TMCC1: variants seen among roughly 807,000 people sequenced by gnomAD.
TMCC1 encodes the protein transmembrane and coiled-coil domain family 1.
TMCC1 carries 15 observed loss-of-function variants against 52.4 expected under a neutral mutation model. That is an observed-to-expected ratio of 0.29 (90% confidence interval 0.19 to 0.44). TMCC1 has a LOEUF of 0.44. TMCC1 is among the 20% of genes least tolerant of loss of function. The pLI is 1.00. For synonymous variants in TMCC1, 279 were observed against 301.9 expected (o/e 0.92, Z 0.79); for missense variants, 503 against 806.0 (o/e 0.62, Z 4.55).
At chr3:129,788,503 C>T (rs2056204252) in intron 4 of TMCC1, among the ~76,000 whole-genome samples, 1 of 151,744 alleles carries the variant, frequency 6.6e-6, no homozygotes, top group Non-Finnish European at 1.5e-5. Flanking sequence ...TGCTCTGTCG[C>T]CCAGAGTGGA....
chr3:129,885,797 C>T (rs943498510), intron 1 of TMCC1, among the ~76,000 whole-genome samples: 1 of 151,668 alleles, frequency 6.6e-6, no homozygotes, highest in African/African-American at 2.4e-5. Flanking sequence ...GGTTGGAGTG[C>T]AGTGGCGCAA....
intron 4 of TMCC1, among the ~76,000 whole-genome samples, chr3:129,698,221 A>C (rs2047553210): frequency 6.6e-6 from 1 of 152,164 alleles, no homozygotes; most frequent in South Asian, 2.1e-4. Context: ...CCTCACAATC[A>C]TGGTGGAAGG....
At chr3:129,681,673 C>T (rs757557837) in intron 4 of TMCC1, among the ~76,000 whole-genome samples, 26 of 151,912 alleles carry the variant, frequency 1.7e-4, no homozygotes, top group Admixed American at 3.3e-4. Context: ...TTTGGGAGGC[C>T]GAGACAAGCG....
chr3:129,692,517 T>C (rs1480345015), intron 4 of TMCC1, among the ~76,000 whole-genome samples: 1 of 152,258 alleles, frequency 6.6e-6, no homozygotes, highest in Non-Finnish European at 1.5e-5. Flanking sequence ...TTGAGTAATG[T>C]TAACAAATGG....
intron 2 of TMCC1, among the ~76,000 whole-genome samples, chr3:129,849,490 C>T (rs1177642746): frequency 6.7e-6 from 1 of 149,680 alleles, no homozygotes; most frequent in Non-Finnish European, 1.5e-5. Context: ...CTCGGCCAGG[C>T]ACGGTGGCTC....
chr3:129,673,913 T>C (rs1190084874), intron 4 of TMCC1, among the ~76,000 whole-genome samples: 2 of 152,216 alleles, frequency 1.3e-5, no homozygotes, highest in African/African-American at 4.8e-5. Context: ...ATGGACTGCA[T>C]ATACAACAGT....
Position 129,814,730 on chromosome 3 carries a change from AC to A in TMCC1, c.576+13072del, listed in dbSNP as rs1284612313. On this transcript the variant is annotated intron_variant, in intron 4 of 6. Coordinates refer to ENST00000393238, the MANE Select transcript of TMCC1 (RefSeq NM_001017395.5). ...AAAATATAGTCTATGCAACTGGAAA[AC>A]AAAAAAGAGTAGAAGTAGCTATACT... is the stretch of plus-strand genomic sequence containing the variant. Among the ~76,000 whole-genome samples the A allele has an allele frequency of 5.9e-5, 9 of 152,156 alleles. No homozygotes were observed. In the East Asian group the frequency reaches 1.5e-3, roughly 26 times the overall value.
intron 4 of TMCC1, chr3:129,688,606 C>T (rs1460523665): frequency 1.0e-6 from 1 of 985,382 alleles, no homozygotes; most frequent in Admixed American, 6.1e-5. Flanking sequence ...TCTCCTGTAG[C>T]AACTCTTAGA....
intron 4 of TMCC1, among the ~76,000 whole-genome samples, chr3:129,700,892 G>C (rs2064609196): frequency 6.6e-6 from 1 of 152,076 alleles, no homozygotes; most frequent in South Asian, 2.1e-4. Context: ...GCAAATCCTT[G>C]ACAAAAGATG....
chr3:129,694,005 A>T (rs975701190), intron 4 of TMCC1, among the ~76,000 whole-genome samples: 2 of 152,208 alleles, frequency 1.3e-5, no homozygotes, highest in African/African-American at 4.8e-5. Context: ...GACTTGATAT[A>T]GGGAGCCAAT....
intron 4 of TMCC1, among the ~76,000 whole-genome samples, chr3:129,713,235 C>T (rs1305895119): frequency 6.6e-6 from 1 of 152,152 alleles, no homozygotes; most frequent in Non-Finnish European, 1.5e-5. Flanking sequence ...GCACTTTAGC[C>T]TGGGCTTTTT....
At chr3:129,880,600 G>A (rs2061414930) in intron 1 of TMCC1, 41 bp from the exon 2 acceptor site, 1 of 152,098 alleles carries the variant, frequency 6.6e-6, no homozygotes. Context: ...AAGAACTACT[G>A]AATGCAAATG....
chr3:129,817,537 CCA>C (rs1491260643), intron 4 of TMCC1, among the ~76,000 whole-genome samples: 1 of 152,228 alleles, frequency 6.6e-6, no homozygotes, highest in African/African-American at 2.4e-5. Flanking sequence ...ATCTTATTAT[CCA>C]AAGGGAAATA....
chr3:129,775,383 T>A (rs1429741212), intron 4 of TMCC1, among the ~76,000 whole-genome samples: 1 of 152,026 alleles, frequency 6.6e-6, no homozygotes, highest in African/African-American at 2.4e-5. Flanking sequence ...GGGAGGACTG[T>A]CTGAGCCCAA....
At chr3:129,821,445 C>G (rs2058420897) in intron 4 of TMCC1, among the ~76,000 whole-genome samples, 1 of 152,088 alleles carries the variant, frequency 6.6e-6, no homozygotes, top group Admixed American at 6.5e-5. Flanking sequence ...TAAGAATGAT[C>G]TGATATAATG....
chr3:129,803,201 C>A (rs905605360), intron 4 of TMCC1, among the ~76,000 whole-genome samples: 1 of 152,218 alleles, frequency 6.6e-6, no homozygotes, highest in Non-Finnish European at 1.5e-5. Flanking sequence ...AAAGGAAATT[C>A]TATTACATGC....
intron 4 of TMCC1, among the ~76,000 whole-genome samples, chr3:129,801,546 C>T (rs956952799): frequency 2.0e-5 from 3 of 152,140 alleles, no homozygotes; most frequent in Admixed American, 6.5e-5. Context: ...ACTGCACCCT[C>T]TGCCCCCCAG....
At chr3:129,868,485 C>T (rs932039880) in intron 2 of TMCC1, among the ~76,000 whole-genome samples, 6 of 152,170 alleles carry the variant, frequency 3.9e-5, no homozygotes, top group African/African-American at 9.7e-5. Flanking sequence ...GTTGCCCAGG[C>T]TTGAGTGCAG....
chr3:129,821,190 T>C (rs2058401331), intron 4 of TMCC1, among the ~76,000 whole-genome samples: 1 of 152,218 alleles, frequency 6.6e-6, no homozygotes, highest in Non-Finnish European at 1.5e-5. Context: ...ATAAAAGCTA[T>C]CAATATTGAG....
Sources: gnomAD v4.1 joint callset for allele counts (sites outside exome capture counted in the v4.1 genomes callset) on GRCh38, gnomAD v4.1.1 for gene constraint, MANE v1.5 for transcripts, NCBI Gene and HGNC (gene_info 2026-07-23, HGNC 2026-07-21) for gene names.